NEB: variants seen among roughly 807,000 people sequenced by gnomAD.
NEB encodes the protein nebulin.
NEB carries 512 observed loss-of-function variants against 952.2 expected under a neutral mutation model. The observed-to-expected ratio is 0.54, with a 90% CI of 0.50 to 0.58. The LOEUF (loss-of-function observed/expected upper bound fraction) is 0.58, where lower values mean the gene tolerates loss of function less well. NEB is among the 20% of genes least tolerant of loss of function. The pLI is 0.00. For synonymous variants in NEB, 2,900 were observed against 3,149.8 expected, an observed-to-expected ratio of 0.92 and a Z score of 2.66; for missense variants, 8,428 against 9,231.1, an observed-to-expected ratio of 0.91 and a Z score of 3.56.
chr2:151,567,573 GCC>G, intron 113 of NEB, 94 bp from the exon 114 acceptor site: 1 of 1,203,832 alleles, frequency 8.3e-7, no homozygotes, highest in Non-Finnish European at 1.1e-6. Context: ...AGCAAATTCA[GCC>G]CCCCAGCTTT....
rs775492747 is a variant in NEB, at chr2:151,547,689, G to A, written c.20207C>T (p.Thr6736Ile). The change falls in exon 132 of 182, where the codon ACT (threonine) becomes ATT (isoleucine). Residue 6736 changes from threonine (T) to isoleucine (I), a missense_variant. Transcript: ENST00000397345. ...YHKLKDKIHT[T>I]PDTPEIRQVK... ...TTGGCGGATCTCAGGGGTATCGGGAGTTGTATGGATCTTGTCTTTCAGTTT... is the reference window on the plus strand; with the variant it reads ...TTGGCGGATCTCAGGGGTATCGGGAATTGTATGGATCTTGTCTTTCAGTTT... 1 of 1,613,712 alleles carries A rather than the reference G, an allele frequency of 6.2e-7. No homozygotes were observed. Among genetic ancestry groups the A allele is most frequent in the South Asian group, 1.1e-5 (1 of 91,062 alleles).
chr2:151,490,439 C>G lies in NEB; in HGVS notation c.25230G>C (p.Glu8410Asp). The G allele has an allele frequency of 6.2e-7, 1 of 1,604,746 alleles. No individual in the cohort carries two copies. The highest frequency in any genetic ancestry group is 8.5e-7 in the Non-Finnish European group (1 of 1,175,516). ...GGTGGTGGTCTGGTGCTTCTGAATGCTCAGACTTCTCCTCACCCCCACTGA... is the reference window on the plus strand; with the variant it reads ...GGTGGTGGTCTGGTGCTTCTGAATGGTCAGACTTCTCCTCACCCCCACTGA... ...LSISGGEEKS[E>D]HSEAPDHHLS... Residue 8410 changes from glutamate (E) to aspartate (D), a missense_variant, in exon 180 of 182, where the codon GAG (glutamate) becomes GAC (aspartate). By Grantham distance (45) the Glu-to-Asp change is conservative. Around this residue, in one of 11 missense-constraint regions of NEB, gnomAD observed 3,374 missense variants for 3,651.5 expected, o/e 0.92. Transcript: ENST00000397345.
intron 1 of NEB, among the ~76,000 whole-genome samples, chr2:151,734,032 C>T (rs1052297169): frequency 1.3e-5 from 2 of 152,042 alleles, no homozygotes; most frequent in East Asian, 1.9e-4. Flanking sequence ...GTTAAGCTAG[C>T]GAAACTGCCA....
intron 71 of NEB, among the ~76,000 whole-genome samples, chr2:151,623,854 A>G (rs951543543): frequency 6.6e-6 from 1 of 152,144 alleles, no homozygotes; most frequent in Non-Finnish European, 1.5e-5. Context: ...ATGTGCTTCA[A>G]TCATCTCATG....
At position 151,663,656 on chromosome 2, in the gene NEB, C is replaced by T. The variant is rs768342747; in HGVS notation, c.5655G>A (p.Gln1885=). Residue 1885 remains glutamine (Q), a synonymous_variant, in exon 45 of 182, where the codon CAG becomes CAA. Coordinates refer to ENST00000397345, the MANE Select transcript of NEB (RefSeq NM_001164508.2). Reference sequence around the variant, plus strand: ...TGTAGTTGGCATTGGTGGCCACTTCCTGAGACTTCTTGGCTGCCACCACAC... The same window carrying T: ...TGTAGTTGGCATTGGTGGCCACTTCTTGAGACTTCTTGGCTGCCACCACAC... ...MLSVVAAKKS[Q]EVATNANYRN... 6.2e-7 allele frequency: 1 copy of T among 1,613,806 alleles called. No individual in the cohort carries two copies. Among genetic ancestry groups the T allele is most frequent in the South Asian group, 1.1e-5 (1 of 91,090 alleles).
Position 151,691,917 on chromosome 2 carries a change from G to A in NEB, c.2158C>T (p.Gln720Ter), listed in dbSNP as rs1460760646. ...GCTTCATATTCTTGTGTTATTGTCT[G>A]AGGGAAATAGCATTTTCCTTTATCT... ...EEDKGKCYFP[Q>*]TITQEYEAIK... Residue 720 changes from glutamine (Q) to a stop codon, truncating the protein, a stop_gained, in exon 23 of 182, where the codon CAG (glutamine) becomes TAG (stop). Transcript: ENST00000397345. LOFTEE classifies it high-confidence loss of function. The A allele has an allele frequency of 6.2e-7, 1 of 1,607,802 alleles. No homozygotes were observed. Among genetic ancestry groups the A allele is most frequent in the Non-Finnish European group, 8.5e-7 (1 of 1,176,280 alleles).
intron 24 of NEB, chr2:151,690,258 T>C (rs1241879771): frequency 6.1e-6 from 1 of 164,940 alleles, no homozygotes; most frequent in Non-Finnish European, 1.3e-5. Flanking sequence ...CAGTTCTTGA[T>C]GTCATCCCAC....
chr2:151,535,413 T>C (rs1468562688), intron 142 of NEB, among the ~76,000 whole-genome samples: 1 of 152,208 alleles, frequency 6.6e-6, no homozygotes, highest in African/African-American at 2.4e-5. Context: ...CTGCCTGGTA[T>C]TGTCACCCGC....
chr2:151,503,509 G>A, intron 165 of NEB, 68 bp from the exon 166 acceptor site: 1 of 1,059,476 alleles, frequency 9.4e-7, no homozygotes, highest in East Asian at 2.4e-5. Flanking sequence ...GCAGCCACAT[G>A]TGGGCTATTT....
At chr2:151,718,732 C>G (rs2099766157) in intron 9 of NEB, among the ~76,000 whole-genome samples, 1 of 152,166 alleles carries the variant, frequency 6.6e-6, no homozygotes, top group Non-Finnish European at 1.5e-5. Context: ...AACTCTCCTT[C>G]TTCATTAGCT....
In NEB at chr2:151,524,654, C is replaced by CTTTTTTTTTTTTTTTTTT. The variant is rs5835371; in HGVS notation, c.22273-56_22273-39dup. 9.6e-6 allele frequency: 2 copies of CTTTTTTTTTTTTTTTTTT among 208,488 alleles called. 1 individual carries two copies. Among genetic ancestry groups the CTTTTTTTTTTTTTTTTTT allele is most frequent in the African/African-American group, 1.6e-4 (2 of 12,258 alleles). 12.9% of individuals were successfully genotyped at this position (208,488 alleles called of 1,614,324 possible). On this transcript the variant is annotated intron_variant, in intron 151 of 181. Coordinates refer to ENST00000397345, the MANE Select transcript of NEB (RefSeq NM_001164508.2). ...AGAAAATGTTTACTCAAGAGAGAGG[C>CTTTTTTTTTTTTTTTTTT]TTTTTTTTTTTTTTTTTTTTTTTTT...
At chr2:151,677,240 G>T (rs1423960115) in intron 34 of NEB, among the ~76,000 whole-genome samples, 1 of 152,124 alleles carries the variant, frequency 6.6e-6, no homozygotes, top group African/African-American at 2.4e-5. Context: ...TGGGATTTAA[G>T]CTTAAATTCT....
At chr2:151,634,045 A>C in intron 64 of NEB, 80 bp from the exon 65 acceptor site, 2 of 1,451,198 alleles carry the variant, frequency 1.4e-6, no homozygotes, top group Non-Finnish European at 1.9e-6. Context: ...ACTTGCTTAC[A>C]TCATACTTCA....
rs1453033100 is a variant in NEB at position 151,684,934 on chromosome 2, G to A, written c.2679C>T (p.Tyr893=). ...CTTGGAGCATATCAAGAGGTGCCGT[G>A]TAGATAGTTTTTGACTTTTCATAAT... ...RKDYEKSKTI[Y]TAPLDMLQVT... The change falls in exon 28 of 182, where the codon TAC becomes TAT. Residue 893 remains tyrosine, a synonymous_variant. Transcript: ENST00000397345. The A allele has an allele frequency of 6.2e-7, 1 of 1,612,544 alleles. No homozygotes were observed. The highest frequency in any genetic ancestry group is 1.3e-5 in the African/African-American group (1 of 74,910).
chr2:151,526,907 T>C lies in NEB; in HGVS notation c.21945+11A>G, dbSNP rs369758648. On this transcript the variant is annotated intron_variant, in intron 148 of 181. Transcript: ENST00000397345. ...TGAGGTTAGGCATCATGGAAGGAAC[T>C]AGGTACTTACATCACTTTCTATTAA... 2.6e-6 allele frequency: 4 copies of C among 1,549,926 alleles called. No individual in the cohort carries two copies. The African/African-American group carries it at 4.1e-5, about 16-fold the overall frequency.
rs2153808322 is a variant in NEB at position 151,576,229 on chromosome 2, C to G, written c.16830G>C (p.Val5610=). The G allele has an allele frequency of 2.5e-6, 4 of 1,611,254 alleles. No homozygotes were observed. The highest frequency in any genetic ancestry group is 2.5e-6 in the Non-Finnish European group (3 of 1,178,130). The part of the protein sequence containing the change: ...IFCDSVYRTP[V]VNLKYTSIVD... ...CAATGCTTGTGTACTTAAGGTTCAC[C>G]ACAGGCGTCCGATAGACACTGTCAC... The change falls in exon 106 of 182, where the codon GTG becomes GTC. Residue 5610 remains valine, a synonymous_variant. Coordinates refer to ENST00000397345, the MANE Select transcript of NEB (RefSeq NM_001164508.2).
intron 107 of NEB, among the ~76,000 whole-genome samples, chr2:151,573,432 A>G (rs1270616678): frequency 6.6e-6 from 1 of 152,222 alleles, no homozygotes; most frequent in Non-Finnish European, 1.5e-5. Flanking sequence ...AGAGGCGTCT[A>G]TACTGCAGTG....
chr2:151,493,493 G>T, intron 175 of NEB, 48 bp from the exon 176 acceptor site: 1 of 1,291,730 alleles, frequency 7.7e-7, no homozygotes, highest in Non-Finnish European at 1.1e-6. Context: ...AGAAAACCAG[G>T]TCTGAAAATC....
chr2:151,546,851 GC>G (rs1336081286), intron 133 of NEB, among the ~76,000 whole-genome samples: 1 of 152,140 alleles, frequency 6.6e-6, no homozygotes, highest in East Asian at 1.9e-4. Context: ...GAGCCACCGT[GC>G]CCAGCCAGTT....
Sources: allele counts gnomAD v4.1 joint callset (sites outside exome capture counted in the v4.1 genomes callset), GRCh38; gene constraint gnomAD v4.1.1; regional missense constraint gnomAD v4.1.1; transcripts MANE v1.5; gene names NCBI Gene and HGNC (gene_info 2026-07-23, HGNC 2026-07-21).